TMPRSS2: variants seen among roughly 807,000 people sequenced by gnomAD.
TMPRSS2 encodes transmembrane serine protease 2, also known as transmembrane protease serine 2.
A neutral mutation model predicts 67.4 loss-of-function variants in TMPRSS2; 59 were observed. That is an observed-to-expected ratio of 0.88 (90% confidence interval 0.71 to 1.09). The LOEUF is 1.09. Ranked by LOEUF, TMPRSS2 falls within the 50% of genes least tolerant of loss-of-function variation. The pLI, the probability that TMPRSS2 is intolerant of heterozygous loss-of-function variation, is 0.00. For synonymous variants in TMPRSS2, 257 were observed against 257.0 expected, an observed-to-expected ratio of 1.00 and a Z score of 0.00; for missense variants, 668 against 642.7, an observed-to-expected ratio of 1.04 and a Z score of -0.43.
At position 41,465,308 on chromosome 21, in the gene TMPRSS2, T is replaced by C; in HGVS notation, c.*834A>G. ...TTCCCCCATGGACCTCAATTTCCAG[T>C]GACTAGCAGGCCTGAAGAGGCCAAC... is the stretch of plus-strand genomic sequence containing the variant. On this transcript the variant is annotated 3_prime_UTR_variant, in exon 14 of 14. Coordinates refer to ENST00000332149, the MANE Select transcript of TMPRSS2 (RefSeq NM_005656.4). The C allele has an allele frequency of 4.3e-6, 1 of 233,686 alleles. No homozygotes were observed. Among genetic ancestry groups the C allele is most frequent in the Non-Finnish European group, 8.5e-6 (1 of 118,040 alleles). The allele number at this position is 233,686 out of a possible 1,614,324, so 14.5% of individuals were successfully genotyped here. A position where few individuals can be genotyped will look rare whatever the true frequency, so the allele number is the denominator to read the frequency against.
At chr21:41,492,090 G>T (rs968982860) in intron 3 of TMPRSS2, among the ~76,000 whole-genome samples, 1 of 152,264 alleles carries the variant, frequency 6.6e-6, no homozygotes, top group African/African-American at 2.4e-5. Context: ...CTACTCAGGA[G>T]GCTGAGGCAG....
Position 41,473,409 on chromosome 21 carries a change from C to G in TMPRSS2, c.815G>C (p.Ser272Thr), listed in dbSNP as rs1368932804. The G allele has an allele frequency of 6.2e-7, 1 of 1,610,244 alleles. No homozygotes were observed. Among genetic ancestry groups the G allele is most frequent in the Non-Finnish European group, 8.5e-7 (1 of 1,179,208 alleles). The change falls in exon 9 of 14, where the codon AGC (serine) becomes ACC (threonine). Residue 272 changes from serine (S) to threonine (T), a missense_variant. Physicochemically the swap from Ser to Thr is moderately conservative, Grantham distance 58 (BLOSUM62 1). Coordinates refer to ENST00000332149, the MANE Select transcript of TMPRSS2 (RefSeq NM_005656.4). ...CACGTGGACGTTCTGGACGTGCAGG[C>G]TGACCTGCCAGGGCCAGGCCCCCGG... ...ALPGAWPWQVSLHVQNVHVCG... is the reference protein window; with the variant it reads ...ALPGAWPWQVTLHVQNVHVCG...
chr21:41,498,963 T>G (rs940625478), intron 1 of TMPRSS2, among the ~76,000 whole-genome samples: 57 of 152,126 alleles, frequency 3.7e-4, no homozygotes, highest in Non-Finnish European at 4.6e-4. Context: ...CAGACCGTCT[T>G]TCCCCGAGAA....
intron 8 of TMPRSS2, among the ~76,000 whole-genome samples, chr21:41,475,113 C>G (rs1348075164): frequency 1.6e-4 from 1 of 6,260 alleles, no homozygotes. Context: ...GGGAGTAATT[C>G]AGAGGGTGAA....
chr21:41,483,238 C>T (rs925746568), intron 5 of TMPRSS2, among the ~76,000 whole-genome samples: 13 of 152,098 alleles, frequency 8.5e-5, no homozygotes, highest in Admixed American at 8.5e-4. Context: ...AAACCTAAAA[C>T]CGCTCTAAAA....
intron 3 of TMPRSS2, among the ~76,000 whole-genome samples, chr21:41,492,591 A>G (rs1245955381): frequency 6.6e-6 from 1 of 152,242 alleles, no homozygotes; most frequent in Non-Finnish European, 1.5e-5. Flanking sequence ...TTTCTTAAAA[A>G]TAGTACCAGG....
At position 41,508,131 on chromosome 21, in the gene TMPRSS2, C is replaced by G. The variant is rs561266954; in HGVS notation, c.-107G>C. On this transcript the variant is annotated 5_prime_UTR_variant, in exon 1 of 14. Coordinates refer to ENST00000332149, the MANE Select transcript of TMPRSS2 (RefSeq NM_005656.4). ...CGCCCCTCGCCCTCCGCCTCCGCCT[C>G]CGCCTCCTGCTTAGCTCGCGCCTAC... 3.5e-4 allele frequency: 323 copies of G among 917,968 alleles called. No individual in the cohort carries two copies. The African/African-American group carries it at 5.0e-3, about 14-fold the overall frequency. The allele number at this position is 917,968 out of a possible 1,614,324, so 56.9% of individuals were successfully genotyped here.
intron 1 of TMPRSS2, among the ~76,000 whole-genome samples, chr21:41,500,094 C>T (rs1260398526): frequency 6.6e-6 from 1 of 152,126 alleles, no homozygotes; most frequent in Non-Finnish European, 1.5e-5. Context: ...GCGGTTCAGC[C>T]CCTGACCTCT....
intron 12 of TMPRSS2, 137 bp downstream of exon 12, chr21:41,468,259 C>T (rs1246121064): frequency 1.2e-5 from 13 of 1,097,716 alleles, no homozygotes; most frequent in Non-Finnish European, 1.4e-5. Context: ...TGTTTGTGGC[C>T]GTCACTTCCC....
Position 41,490,730 on chromosome 21 carries a change from C to T in TMPRSS2, c.239-1137G>A, listed in dbSNP as rs775777355. ...GCCAGAGAGGCATGGCAGAGTCAGACGCTGGGCTCAGCCAGCTCATGGGCC... is the reference window on the plus strand; with the variant it reads ...GCCAGAGAGGCATGGCAGAGTCAGATGCTGGGCTCAGCCAGCTCATGGGCC... On this transcript the variant is annotated intron_variant, in intron 3 of 13. Transcript: ENST00000332149. Among the ~76,000 whole-genome samples, 6 of 152,252 alleles carry T rather than the reference C, an allele frequency of 3.9e-5. No homozygotes were observed. In the East Asian group the frequency reaches 7.7e-4, roughly 20 times the overall value.
chr21:41,479,140 C>A (rs1269074593), intron 7 of TMPRSS2, 32 bp downstream of exon 7: 21 of 1,555,780 alleles, frequency 1.3e-5, no homozygotes, highest in East Asian at 4.5e-5. Context: ...TGATTTCATT[C>A]CAAAATTTTT....
intron 1 of TMPRSS2, among the ~76,000 whole-genome samples, chr21:41,505,661 G>A (rs183758144): frequency 2.0e-3 from 297 of 152,282 alleles, no homozygotes; most frequent in Non-Finnish European, 3.1e-3. Flanking sequence ...CTTTCAGGTC[G>A]GGGAGAACCA....
intron 3 of TMPRSS2, among the ~76,000 whole-genome samples, chr21:41,492,144 G>A (rs577689706): frequency 6.6e-6 from 1 of 152,336 alleles, no homozygotes; most frequent in East Asian, 1.9e-4. Flanking sequence ...AGTGAGCTGA[G>A]ATCGTGCCAC....
At chr21:41,471,046 G>A (rs2091129097) in intron 10 of TMPRSS2, among the ~76,000 whole-genome samples, 1 of 152,218 alleles carries the variant, frequency 6.6e-6, no homozygotes, top group African/African-American at 2.4e-5. Flanking sequence ...ACACACAGGA[G>A]GCAACAGCCA....
At chr21:41,490,489 G>T (rs192259532) in intron 3 of TMPRSS2, among the ~76,000 whole-genome samples, 285 of 152,372 alleles carry the variant, frequency 1.9e-3, no homozygotes, top group Admixed American at 3.0e-3. Flanking sequence ...AGACAGTGCA[G>T]CTGTAGAACC....
chr21:41,480,500 G>T lies in TMPRSS2; in HGVS notation c.548C>A (p.Ala183Glu), dbSNP rs751523924. Reference sequence around the variant, plus strand: ...CTTATAGCCCATGTCCCTGCAGGCCGCCCGCCCGTAGTTCTCGTTCCAGTC... The same window carrying T: ...CTTATAGCCCATGTCCCTGCAGGCCTCCCGCCCGTAGTTCTCGTTCCAGTC... ...QDDWNENYGR[A>E]ACRDMGYKNN... Residue 183 changes from alanine to glutamate, a missense_variant, in exon 6 of 14, where the codon GCG becomes GAG. Ala to Glu is a moderately radical substitution (Grantham distance 107, BLOSUM62 -1). Coordinates refer to ENST00000332149, the MANE Select transcript of TMPRSS2 (RefSeq NM_005656.4). The T allele has an allele frequency of 1.1e-5, 17 of 1,613,522 alleles. No individual in the cohort carries two copies. The highest frequency in any genetic ancestry group is 4.0e-5 in the African/African-American group (3 of 74,934).
At chr21:41,473,249 G>C (rs957833677) in intron 9 of TMPRSS2, 76 bp downstream of exon 9, 19 of 1,463,762 alleles carry the variant, frequency 1.3e-5, no homozygotes, top group Admixed American at 2.2e-5. Flanking sequence ...TGCAAGGGTT[G>C]AGACCTGCTC....
intron 2 of TMPRSS2, among the ~76,000 whole-genome samples, chr21:41,495,671 C>A (rs568162250): frequency 3.7e-4 from 56 of 149,716 alleles, no homozygotes; most frequent in African/African-American, 1.3e-3. Flanking sequence ...AGACAAGTAC[C>A]ATGAAAAATG....
chr21:41,470,393 T>C (rs1379117638), intron 11 of TMPRSS2, among the ~76,000 whole-genome samples: 1 of 152,212 alleles, frequency 6.6e-6, no homozygotes, highest in Non-Finnish European at 1.5e-5. Flanking sequence ...TAAACTCGTA[T>C]GGCCCAGATA....
Sources: gnomAD v4.1 joint callset for allele counts (sites outside exome capture counted in the v4.1 genomes callset) on GRCh38, gnomAD v4.1.1 for gene constraint, MANE v1.5 for transcripts, NCBI Gene and HGNC (gene_info 2026-07-23, HGNC 2026-07-21) for gene names.